RALGDS: variants seen among roughly 807,000 people sequenced by gnomAD.
The protein encoded by RALGDS is ral guanine nucleotide dissociation stimulator.
Under a neutral mutation model 99.8 loss-of-function variants are expected in RALGDS, and 44 were observed. The observed-to-expected ratio is 0.44, with a 90% confidence interval of 0.35 to 0.57. The LOEUF is 0.57. RALGDS is among the 20% of genes least tolerant of loss of function. The pLI, the probability that RALGDS is intolerant of heterozygous loss-of-function variation, is 0.01. For missense variants in RALGDS, 1,022 were observed against 1,203.1 expected (o/e 0.85, Z 2.23); for synonymous variants, 529 against 505.0 (o/e 1.05, Z -0.64).
chr9:133,106,768 A>G lies in RALGDS; in HGVS notation c.1414-20T>C. On this transcript the variant is annotated intron_variant, in intron 7 of 17. Transcript: ENST00000372050. ...GCACTCCTGGGGCGGGAAGAGCAGG[A>G]GGCATGAGGTGGGGCTGGAGCTCCC... 6.4e-7 allele frequency: 1 copy of G among 1,570,824 alleles called. No homozygotes were observed. The highest frequency in any genetic ancestry group is 1.1e-5 in the South Asian group (1 of 88,946).
intron 1 of RALGDS, among the ~76,000 whole-genome samples, chr9:133,130,022 G>T (rs1319352058): frequency 6.6e-6 from 1 of 151,936 alleles, no homozygotes; most frequent in Non-Finnish European, 1.5e-5. Flanking sequence ...ACCCAGGCTG[G>T]AGTGCAGTGG....
chr9:133,107,072 T>C lies in RALGDS; in HGVS notation c.1413+13A>G. 6.2e-7 allele frequency: 1 copy of C among 1,612,906 alleles called. No individual in the cohort carries two copies. The highest frequency in any genetic ancestry group is 8.5e-7 in the Non-Finnish European group (1 of 1,179,782). On this transcript the variant is annotated intron_variant, in intron 7 of 17. Transcript: ENST00000372050. ...AAGCCAAAGTGGGGGCCCAGGCCCCTCCTCTGGCATACCCTGGCCACCTCG... is the reference window on the plus strand; with the variant it reads ...AAGCCAAAGTGGGGGCCCAGGCCCCCCCTCTGGCATACCCTGGCCACCTCG...
chr9:133,101,508 C>T lies in RALGDS; in HGVS notation c.2454+12G>A, dbSNP rs901004068. ...GTGGAGGGAGGCACCCAGGCCACCCCCGCCGGCTTACCAGGATGCTCTTGT... is the reference window on the plus strand; with the variant it reads ...GTGGAGGGAGGCACCCAGGCCACCCTCGCCGGCTTACCAGGATGCTCTTGT... On this transcript the variant is annotated intron_variant, in intron 16 of 17. Transcript: ENST00000372050. The T allele has an allele frequency of 2.5e-6, 4 of 1,610,980 alleles. No individual in the cohort carries two copies. Among genetic ancestry groups the T allele is most frequent in the Admixed American group, 1.7e-5 (1 of 60,012 alleles).
rs1186254597 is a variant in RALGDS, at chr9:133,100,675, A to T, written c.2455-293T>A. The T allele has an allele frequency of 2.3e-6, 3 of 1,291,228 alleles. No homozygotes were observed. In the Admixed American group the frequency reaches 9.9e-5, roughly 42 times the overall value. The allele number at this position is 1,291,228 out of a possible 1,614,324, so 80.0% of individuals were successfully genotyped here. On this transcript the variant is annotated intron_variant, in intron 16 of 17. Transcript: ENST00000372050. ...TGTTCCCTCCTCCCACACTTCCTTG[A>T]GAAGCACTTGCCCCTCCAGGATAAC...
intron 9 of RALGDS, among the ~76,000 whole-genome samples, chr9:133,104,940 T>TC (rs1285220458): frequency 6.6e-6 from 1 of 152,164 alleles, no homozygotes; most frequent in African/African-American, 2.4e-5. Context: ...CTGGCATTCC[T>TC]CCATTTTCTA....
At chr9:133,138,167 G>A (rs1832456458) in intron 1 of RALGDS, among the ~76,000 whole-genome samples, 1 of 152,226 alleles carries the variant, frequency 6.6e-6, no homozygotes, top group Non-Finnish European at 1.5e-5. Context: ...TTGGCTGGCT[G>A]CCAGGAGGTG....
At position 133,108,117 on chromosome 9, in the gene RALGDS, T is replaced by C. The variant is rs2285375; in HGVS notation, c.1068A>G (p.Ala356=). Residue 356 remains alanine, a synonymous_variant, in exon 6 of 18, where the codon GCA becomes GCG. Transcript: ENST00000372050. ...SQTLELEPAP[A]PVPSLQPSWP... is the part of the protein sequence containing the mutation. The stretch of plus-strand genomic sequence containing the variant: ...AGGAAGGCTGTAATGATGGAACTGG[T>C]GCTGGAGCTGGCTCCAGCTCTAGAG... The C allele has an allele frequency of 0.29, 471,831 of 1,613,398 alleles. 72,366 individuals carry two copies. The highest frequency in any genetic ancestry group is 0.45 in the African/African-American group (33,749 of 74,962).
chr9:133,110,596 G>A (rs1052232227), intron 2 of RALGDS, 107 bp from the exon 3 acceptor site: 1 of 945,716 alleles, frequency 1.1e-6, no homozygotes, highest in African/African-American at 1.6e-5. Context: ...AGGCAGGACT[G>A]AGTATCTCTA....
chr9:133,131,632 A>G (rs776494017), upstream of RALGDS, among the ~76,000 whole-genome samples: 1 of 152,022 alleles, frequency 6.6e-6, no homozygotes, highest in Non-Finnish European at 1.5e-5. Flanking sequence ...CATCTGGCAC[A>G]CTTCCTCCTC....
chr9:133,103,706 C>T, intron 11 of RALGDS, 41 bp downstream of exon 11: 1 of 1,598,998 alleles, frequency 6.3e-7, no homozygotes, highest in East Asian at 2.2e-5. Context: ...GGGAAGGTCT[C>T]TCCTCCCGGG....
In RALGDS at chr9:133,103,256, G is replaced by A. The variant is rs762876570; in HGVS notation, c.1765C>T (p.Leu589Phe). The A allele has an allele frequency of 1.2e-6, 2 of 1,613,946 alleles. No individual in the cohort carries two copies. Among genetic ancestry groups the A allele is most frequent in the South Asian group, 2.2e-5 (2 of 91,086 alleles). ...TTCCTCCTCTTCTCAAAGTTGATGA[G>A]TCTGCCCTGGAAGGTGGACACCCAA... ...TAMKDYLYGR[L>F]INFEKRRKEF... is the part of the protein sequence containing the mutation. Residue 589 changes from leucine (L) to phenylalanine (F), a missense_variant, in exon 12 of 18, where the codon CTC (leucine) becomes TTC (phenylalanine). This residue lies in a region of RALGDS where 825 missense variants were observed against 994.5 expected (regional missense o/e 0.83). Coordinates refer to ENST00000372050, the MANE Select transcript of RALGDS (RefSeq NM_006266.4).
intron 1 of RALGDS, among the ~76,000 whole-genome samples, chr9:133,140,246 T>A (rs1588572101): frequency 9.8e-6 from 1 of 102,320 alleles, no homozygotes; most frequent in South Asian, 3.2e-4. Flanking sequence ...GGTCCCACCC[T>A]CCCAGTTTTG....
chr9:133,131,217 TC>T, upstream of RALGDS: 1 of 1,080,578 alleles, frequency 9.3e-7, no homozygotes, highest in Non-Finnish European at 1.1e-6. Context: ...AGCAGACAGT[TC>T]AGGGCCTGGG....
upstream of RALGDS, among the ~76,000 whole-genome samples, chr9:133,133,905 C>T (rs893354228): frequency 1.3e-5 from 2 of 152,210 alleles, no homozygotes; most frequent in African/African-American, 4.8e-5. Context: ...TCGCTAGGAG[C>T]TGTGACTCAG....
chr9:133,145,054 G>A (rs1832600820), intron 1 of RALGDS, among the ~76,000 whole-genome samples: 1 of 152,222 alleles, frequency 6.6e-6, no homozygotes, highest in African/African-American at 2.4e-5. Flanking sequence ...ACCAGAGGTT[G>A]GAAGATGCAA....
At chr9:133,107,441 C>T (rs1251961798) in intron 6 of RALGDS, 141 bp from the exon 7 acceptor site, 3 of 800,532 alleles carry the variant, frequency 3.7e-6, no homozygotes, top group Admixed American at 2.0e-5. Context: ...ACACAAGTGA[C>T]CCGGGACAGA....
At chr9:133,111,144 G>A (rs1831318686) in intron 2 of RALGDS, among the ~76,000 whole-genome samples, 1 of 152,196 alleles carries the variant, frequency 6.6e-6, no homozygotes, top group African/African-American at 2.4e-5. Flanking sequence ...CAGGTCCGTT[G>A]TTAGCTGAGT....
At position 133,101,571 on chromosome 9, in the gene RALGDS, G is replaced by A. The variant is rs2119120318; in HGVS notation, c.2403C>T (p.Ile801=). The change falls in exon 16 of 18, where the codon ATC becomes ATT. Residue 801 remains isoleucine, a synonymous_variant. Transcript: ENST00000372050. ...LYNQQVGDCC[I]IRVSLDVDNG... is the part of the protein sequence containing the mutation. The stretch of plus-strand genomic sequence containing the variant: ...TGTCCACGTCCAGGCTGACGCGGAT[G>A]ATACAGCAGTCGCCCACCTGCTGGT... 6.2e-7 allele frequency: 1 copy of A among 1,612,642 alleles called. No individual in the cohort carries two copies. Among genetic ancestry groups the A allele is most frequent in the Non-Finnish European group, 8.5e-7 (1 of 1,180,040 alleles).
At chr9:133,131,021 G>C in exon 1 of RALGDS, 1 of 1,535,104 alleles carries the variant, frequency 6.5e-7, no homozygotes, top group African/African-American at 1.4e-5. Context: ...GCAGGGAGCA[G>C]AACAGCAGAG....
Sources: allele counts gnomAD v4.1 joint callset (sites outside exome capture counted in the v4.1 genomes callset), GRCh38; gene constraint gnomAD v4.1.1; regional missense constraint gnomAD v4.1.1; transcripts MANE v1.5; gene names NCBI Gene and HGNC (gene_info 2026-07-23, HGNC 2026-07-21).